Variants in CACNB2 observed in about 807,000 individuals in gnomAD.
CACNB2 encodes voltage-dependent L-type calcium channel subunit beta-2.
Under a neutral mutation model 73.3 loss-of-function variants are expected in CACNB2, and 42 were observed. That is an observed-to-expected ratio of 0.57 (90% CI 0.45 to 0.74). The LOEUF (loss-of-function observed/expected upper bound fraction) is 0.74. Ranked by LOEUF, CACNB2 falls within the 30% of genes least tolerant of loss-of-function variation. The pLI is 0.00. For synonymous variants in CACNB2, 348 were observed against 310.3 expected, an observed-to-expected ratio of 1.12 and a Z score of -1.28; for missense variants, 940 against 853.0, an observed-to-expected ratio of 1.10 and a Z score of -1.27.
At chr10:18,489,062 C>G (rs747408173) in intron 3 of CACNB2, among the ~76,000 whole-genome samples, 5 of 151,780 alleles carry the variant, frequency 3.3e-5, no homozygotes, top group African/African-American at 4.8e-5. Flanking sequence ...ACTTATAATC[C>G]CAGCACTTTG....
At chr10:18,493,698 A>G (rs1448715071) in intron 3 of CACNB2, among the ~76,000 whole-genome samples, 1 of 152,124 alleles carries the variant, frequency 6.6e-6, no homozygotes, top group Non-Finnish European at 1.5e-5. Flanking sequence ...CACCTAATAA[A>G]TGGCAGAATC....
rs372172992 is a variant in CACNB2 at position 18,333,962 on chromosome 10, A to G, written c.214-67962A>G. Among the ~76,000 whole-genome samples, 20 of 152,354 alleles carry G rather than the reference A, an allele frequency of 1.3e-4. No individual in the cohort carries two copies. The South Asian group carries it at 1.5e-3, about 11-fold the overall frequency. On this transcript the variant is annotated intron_variant, in intron 2 of 13. Transcript: ENST00000324631. ...GTCTGCTGCTGTTTTAAAGTTTAAAACAACAAATGAGAAAGTTGTCCCGAT... is the reference window on the plus strand; with the variant it reads ...GTCTGCTGCTGTTTTAAAGTTTAAAGCAACAAATGAGAAAGTTGTCCCGAT...
intron 3 of CACNB2, among the ~76,000 whole-genome samples, chr10:18,448,345 C>G (rs1021683394): frequency 6.6e-6 from 1 of 151,768 alleles, no homozygotes; most frequent in African/African-American, 2.4e-5. Context: ...TGGTGGGTGC[C>G]TATAATATTA....
At chr10:18,297,456 G>A (rs1443037737) in intron 2 of CACNB2, among the ~76,000 whole-genome samples, 2 of 152,154 alleles carry the variant, frequency 1.3e-5, no homozygotes, top group African/African-American at 4.8e-5. Context: ...TACTCAGGAG[G>A]CTGAGGAAGA....
intron 2 of CACNB2, among the ~76,000 whole-genome samples, chr10:18,386,454 G>A (rs1171253728): frequency 3.5e-5 from 5 of 140,916 alleles, no homozygotes; most frequent in Non-Finnish European, 7.5e-5. Flanking sequence ...CCAGGCTGGA[G>A]TGCAGTGGCG....
chr10:18,442,937 T>C lies in CACNB2; in HGVS notation c.333+40894T>C, dbSNP rs1236343834. On this transcript the variant is annotated intron_variant, in intron 3 of 13. Transcript: ENST00000324631. ...ATATATATATATATGTATATATATA[T>C]ATATGTGTATATATATATATGTATA... 2.2e-4 allele frequency among the ~76,000 whole-genome samples: 6 copies of C among 27,102 alleles called. 1 individual carries two copies. Among genetic ancestry groups the C allele is most frequent in the Non-Finnish European group, 3.5e-4 (6 of 17,214 alleles). The allele number at this position is 27,102 out of a possible 152,430, so 17.8% of individuals were successfully genotyped here.
At chr10:18,429,799 G>A (rs1297063827) in intron 3 of CACNB2, among the ~76,000 whole-genome samples, 11 of 105,696 alleles carry the variant, frequency 1.0e-4, no homozygotes, top group Non-Finnish European at 1.1e-4. Context: ...GCAAGACTCC[G>A]TCTCTACCGA....
intron 2 of CACNB2, among the ~76,000 whole-genome samples, chr10:18,315,529 C>G (rs12253391): frequency 1.5e-5 from 1 of 65,580 alleles, no homozygotes; most frequent in African/African-American, 6.3e-5. Flanking sequence ...AAAAAAAAAA[C>G]TTTTTTTTTT....
chr10:18,497,678 G>A (rs1193062523), intron 3 of CACNB2, among the ~76,000 whole-genome samples: 1 of 152,108 alleles, frequency 6.6e-6, no homozygotes, highest in Non-Finnish European at 1.5e-5. Flanking sequence ...TCTTGCCTTG[G>A]CCTCACAAAA....
intron 2 of CACNB2, among the ~76,000 whole-genome samples, chr10:18,192,225 T>A (rs1469102964): frequency 6.6e-6 from 1 of 152,120 alleles, no homozygotes; most frequent in Non-Finnish European, 1.5e-5. Flanking sequence ...CCTTCAAGGA[T>A]TCTTTGTCTG....
intron 2 of CACNB2, among the ~76,000 whole-genome samples, chr10:18,255,357 G>A (rs1016793554): frequency 6.6e-6 from 1 of 152,132 alleles, no homozygotes; most frequent in Non-Finnish European, 1.5e-5. Context: ...CTCAGCTCAG[G>A]TAGCAGTGCC....
intron 3 of CACNB2, among the ~76,000 whole-genome samples, chr10:18,470,640 C>T (rs1246078336): frequency 6.6e-6 from 1 of 151,998 alleles, no homozygotes; most frequent in Non-Finnish European, 1.5e-5. Context: ...TTTGTTCACC[C>T]CTAAATTATA....
intron 2 of CACNB2, among the ~76,000 whole-genome samples, chr10:18,197,653 A>G (rs1377417401): frequency 6.6e-6 from 1 of 152,192 alleles, no homozygotes; most frequent in Non-Finnish European, 1.5e-5. Flanking sequence ...GAATTGGGCC[A>G]CATGCCGGTT....
intron 2 of CACNB2, among the ~76,000 whole-genome samples, chr10:18,378,602 T>C (rs2042893947): frequency 6.6e-6 from 1 of 152,026 alleles, no homozygotes. Flanking sequence ...TTTTTTGAAA[T>C]TATACAGGAG....
At chr10:18,198,011 G>A (rs2034704222) in intron 2 of CACNB2, among the ~76,000 whole-genome samples, 1 of 146,130 alleles carries the variant, frequency 6.8e-6, no homozygotes, top group Admixed American at 6.9e-5. Context: ...TTATATATTA[G>A]TAACAATATA....
intron 2 of CACNB2, among the ~76,000 whole-genome samples, chr10:18,160,814 T>C (rs1329735689): frequency 6.6e-6 from 1 of 152,204 alleles, no homozygotes; most frequent in Non-Finnish European, 1.5e-5. Context: ...TTGTTTTGTT[T>C]CTGGAATCTT....
At chr10:18,355,016 A>G (rs1244646392) in intron 2 of CACNB2, among the ~76,000 whole-genome samples, 1 of 152,226 alleles carries the variant, frequency 6.6e-6, no homozygotes, top group East Asian at 1.9e-4. Flanking sequence ...TTAAAATATC[A>G]TGTAAATTAC....
chr10:18,428,528 A>G (rs988706234), intron 3 of CACNB2, among the ~76,000 whole-genome samples: 1 of 152,126 alleles, frequency 6.6e-6, no homozygotes, highest in Non-Finnish European at 1.5e-5. Flanking sequence ...CTCTACAAAA[A>G]TAGAAAAATT....
chr10:18,399,622 A>G (rs879706697), intron 2 of CACNB2, among the ~76,000 whole-genome samples: 2 of 152,048 alleles, frequency 1.3e-5, no homozygotes, highest in African/African-American at 2.4e-5. Context: ...GGCTCAAGCA[A>G]TCCTCCCACT....
Sources: allele counts gnomAD v4.1 joint callset (sites outside exome capture counted in the v4.1 genomes callset), GRCh38; gene constraint gnomAD v4.1.1; transcripts MANE v1.5; gene names NCBI Gene and HGNC (gene_info 2026-07-23, HGNC 2026-07-21).